PCSK2: variants seen among roughly 807,000 people sequenced by gnomAD.
PCSK2 encodes proprotein convertase subtilisin/kexin type 2, also known as neuroendocrine convertase 2.
Under a neutral mutation model 69.7 loss-of-function variants are expected in PCSK2, and 14 were observed. The ratio of observed to expected loss-of-function variants is 0.20; its 90% CI spans 0.13 to 0.31. The LOEUF (loss-of-function observed/expected upper bound fraction) is 0.31, where lower values mean the gene tolerates loss of function less well. Ranked by LOEUF, PCSK2 falls within the 10% of genes least tolerant of loss-of-function variation. The pLI, the probability that PCSK2 is intolerant of heterozygous loss-of-function variation, is 1.00. For missense variants in PCSK2, 544 were observed against 842.5 expected (o/e 0.65, Z 4.39); for synonymous variants, 307 against 320.7 (o/e 0.96, Z 0.46).
At chr20:17,300,661 T>C (rs1989050485) in intron 2 of PCSK2, among the ~76,000 whole-genome samples, 1 of 152,246 alleles carries the variant, frequency 6.6e-6, no homozygotes. Context: ...TCAGTTTTTA[T>C]AGTGAGAATA....
At chr20:17,449,465 A>G (rs934554384) in intron 8 of PCSK2, among the ~76,000 whole-genome samples, 6 of 132,584 alleles carry the variant, frequency 4.5e-5, no homozygotes, top group African/African-American at 1.6e-4. Context: ...CAATTGATAT[A>G]TTGTATATTT....
intron 5 of PCSK2, among the ~76,000 whole-genome samples, chr20:17,377,057 A>G (rs1405436598): frequency 6.6e-6 from 1 of 152,198 alleles, no homozygotes; most frequent in African/African-American, 2.4e-5. Context: ...CTGGAACCTA[A>G]CTGAGTTCCT....
At chr20:17,268,746 T>C (rs1784249376) in intron 2 of PCSK2, among the ~76,000 whole-genome samples, 1 of 152,062 alleles carries the variant, frequency 6.6e-6, no homozygotes, top group South Asian at 2.1e-4. Flanking sequence ...GGGCAAATAA[T>C]AGACAATGGG....
In PCSK2 at chr20:17,405,233, A is replaced by C. The variant is rs536956227; in HGVS notation, c.544-4030A>C. The stretch of plus-strand genomic sequence containing the variant: ...CAAAAACAGCCTCATTTCAAAACCA[A>C]GTCTGTTTGACTTGAATGTCTCTCT... On this transcript the variant is annotated intron_variant, in intron 5 of 11. Transcript: ENST00000262545. 3.3e-5 allele frequency among the ~76,000 whole-genome samples: 5 copies of C among 152,336 alleles called. No individual in the cohort carries two copies. The East Asian group carries it at 9.6e-4, about 29-fold the overall frequency.
chr20:17,292,778 G>T (rs1017226366), intron 2 of PCSK2, among the ~76,000 whole-genome samples: 1 of 152,028 alleles, frequency 6.6e-6, no homozygotes, highest in Non-Finnish European at 1.5e-5. Flanking sequence ...GGCTCTTATA[G>T]CTGGGTTATT....
At chr20:17,373,846 C>T (rs2030847227) in intron 5 of PCSK2, among the ~76,000 whole-genome samples, 1 of 152,040 alleles carries the variant, frequency 6.6e-6, no homozygotes, top group South Asian at 2.1e-4. Context: ...TAATCTAATT[C>T]AAAAAATCCA....
chr20:17,230,051 A>G (rs1441828625), intron 1 of PCSK2, among the ~76,000 whole-genome samples: 8 of 152,190 alleles, frequency 5.3e-5, no homozygotes. Context: ...GCCAGCCTTG[A>G]AGGAAACTTC....
chr20:17,268,252 A>G (rs1410082124), intron 2 of PCSK2, among the ~76,000 whole-genome samples: 14 of 151,984 alleles, frequency 9.2e-5, no homozygotes, highest in Non-Finnish European at 1.9e-4. Context: ...GAACAAGACA[A>G]AGTCCTCCTC....
chr20:17,289,192 C>T (rs1988614902), intron 2 of PCSK2, among the ~76,000 whole-genome samples: 1 of 152,102 alleles, frequency 6.6e-6, no homozygotes, highest in African/African-American at 2.4e-5. Context: ...ATCACTTAGC[C>T]TTGTTAGATT....
chr20:17,383,615 ACT>A (rs2031149452), intron 5 of PCSK2, among the ~76,000 whole-genome samples: 1 of 152,194 alleles, frequency 6.6e-6, no homozygotes, highest in African/African-American at 2.4e-5. Flanking sequence ...GTTATTTTCC[ACT>A]CAGTTAAGTA....
chr20:17,256,226 ATC>A (rs1165899315), intron 1 of PCSK2, among the ~76,000 whole-genome samples: 1 of 151,938 alleles, frequency 6.6e-6, no homozygotes, highest in African/African-American at 2.4e-5. Context: ...TATTATTTTT[ATC>A]TCTTTATTGA....
chr20:17,315,517 G>C lies in PCSK2; in HGVS notation c.283-42810G>C, dbSNP rs193293624. On this transcript the variant is annotated intron_variant, in intron 2 of 11. Transcript: ENST00000262545. ...TCCCGGTGCACAGCGCCCAGCTCCC[G>C]GGTCTCTGTCGGACCTGCGACTCCC... Among the ~76,000 whole-genome samples the C allele has an allele frequency of 4.9e-3, 751 of 152,248 alleles. 6 individuals are homozygous for C. The highest frequency in any genetic ancestry group is 0.023 in the East Asian group (118 of 5,148).
At chr20:17,408,143 G>A (rs878914952) in intron 5 of PCSK2, among the ~76,000 whole-genome samples, 3 of 152,096 alleles carry the variant, frequency 2.0e-5, no homozygotes, top group Admixed American at 2.0e-4. Context: ...AAGCTGGAAT[G>A]TGCCTCTAAC....
At position 17,465,522 on chromosome 20, in the gene PCSK2, C is replaced by T; in HGVS notation, c.1399C>T (p.His467Tyr). Residue 467 changes from histidine (H) to tyrosine (Y), a missense_variant, in exon 11 of 12, where the codon CAC (histidine) becomes TAC (tyrosine). This residue lies in a region of PCSK2 where 200 missense variants were observed against 287.8 expected (regional missense o/e 0.69). Transcript: ENST00000262545. ...CTGGAAAACCGTGCCTGAGAGATTCCACTGTGTGGGAGGCTCCGTGCAGGA... is the reference window on the plus strand; with the variant it reads ...CTGGAAAACCGTGCCTGAGAGATTCTACTGTGTGGGAGGCTCCGTGCAGGA... Reference protein sequence around the residue: ...KDWKTVPERFHCVGGSVQDPE... With the variant: ...KDWKTVPERFYCVGGSVQDPE... The T allele has an allele frequency of 6.2e-7, 1 of 1,608,908 alleles. No individual in the cohort carries two copies. Among genetic ancestry groups the T allele is most frequent in the Non-Finnish European group, 8.5e-7 (1 of 1,177,330 alleles).
At chr20:17,348,641 A>T (rs1405363547) in intron 2 of PCSK2, among the ~76,000 whole-genome samples, 3 of 152,184 alleles carry the variant, frequency 2.0e-5, no homozygotes, top group Non-Finnish European at 4.4e-5. Flanking sequence ...AAAGTCTCAG[A>T]TGAAGGTGTC....
intron 2 of PCSK2, among the ~76,000 whole-genome samples, chr20:17,304,474 AATAG>A (rs1270471500): frequency 1.3e-5 from 2 of 152,194 alleles, no homozygotes; most frequent in African/African-American, 2.4e-5. Context: ...ATTACTGGTT[AATAG>A]ATAGAATTTT....
chr20:17,425,469 T>C (rs566514711), intron 6 of PCSK2, among the ~76,000 whole-genome samples: 6 of 152,220 alleles, frequency 3.9e-5, no homozygotes, highest in Admixed American at 2.0e-4. Context: ...ACATCTCTTT[T>C]TGTGGGATCC....
chr20:17,246,951 A>G (rs1489751910), intron 1 of PCSK2, among the ~76,000 whole-genome samples: 8 of 151,982 alleles, frequency 5.3e-5, no homozygotes, highest in African/African-American at 1.9e-4. Context: ...TGAAGTTGAA[A>G]CTCAGGCCTG....
intron 2 of PCSK2, among the ~76,000 whole-genome samples, chr20:17,278,321 A>C (rs557601140): frequency 6.6e-5 from 10 of 152,358 alleles, no homozygotes; most frequent in African/African-American, 2.4e-4. Flanking sequence ...GAATGAACCC[A>C]AATGTCCAAC....
Sources: allele counts gnomAD v4.1 joint callset (sites outside exome capture counted in the v4.1 genomes callset), GRCh38; gene constraint gnomAD v4.1.1; regional missense constraint gnomAD v4.1.1; transcripts MANE v1.5; gene names NCBI Gene and HGNC (gene_info 2026-07-23, HGNC 2026-07-21).